SOX5: variants seen among roughly 807,000 people sequenced by gnomAD.
SOX5 encodes the protein transcription factor SOX-5.
SOX5 carries 9 observed loss-of-function variants against 92.0 expected under a neutral mutation model. The observed-to-expected ratio is 0.10, with a 90% CI of 0.06 to 0.17. The LOEUF is 0.17. Among genes scored for constraint, SOX5 ranks in the 10% least tolerant of loss-of-function variants. SOX5 has a pLI of 1.00. For synonymous variants in SOX5, 344 were observed against 336.3 expected (o/e 1.02, Z -0.25); for missense variants, 642 against 944.5 (o/e 0.68, Z 4.20).
At chr12:24,006,478 A>T (rs1196112631) in intron 4 of SOX5, among the ~76,000 whole-genome samples, 2 of 152,022 alleles carry the variant, frequency 1.3e-5, no homozygotes, top group Non-Finnish European at 2.9e-5. Context: ...TTAGAAGCAG[A>T]AATTGAGCAT....
chr12:24,287,014 A>G (rs1283650626), intron 2 of SOX5, among the ~76,000 whole-genome samples: 1 of 152,188 alleles, frequency 6.6e-6, no homozygotes, highest in African/African-American at 2.4e-5. Context: ...TTTTTGAACT[A>G]AACTAGATAT....
chr12:24,241,002 A>G (rs554921338), intron 3 of SOX5, among the ~76,000 whole-genome samples: 1 of 152,184 alleles, frequency 6.6e-6, no homozygotes, highest in African/African-American at 2.4e-5. Flanking sequence ...GTGATGGTTT[A>G]TATGTGGTGC....
rs191956374 is a variant in SOX5, at chr12:23,940,398, T to C, written c.38+9166A>G. On this transcript the variant is annotated intron_variant, in intron 1 of 14. Coordinates refer to ENST00000451604, the MANE Select transcript of SOX5 (RefSeq NM_006940.6). ...ACAGGTAAACTGAAGTGCTTCTATA[T>C]GTAAAGGCTGGCTATAGAGATAATC... Among the ~76,000 whole-genome samples, 77 of 151,296 alleles carry C rather than the reference T, an allele frequency of 5.1e-4. No individual in the cohort carries two copies. In the East Asian group the frequency reaches 0.011, roughly 22 times the overall value.
intron 3 of SOX5, among the ~76,000 whole-genome samples, chr12:23,799,526 C>T (rs1300107088): frequency 1.3e-5 from 2 of 151,976 alleles, no homozygotes; most frequent in Non-Finnish European, 2.9e-5. Context: ...GCAGTTTCAG[C>T]TAGGGTTAAA....
intron 1 of SOX5, among the ~76,000 whole-genome samples, chr12:24,416,250 G>A (rs529761466): frequency 2.2e-4 from 34 of 152,206 alleles, no homozygotes; most frequent in African/African-American, 7.5e-4. Context: ...TCCACAGCTC[G>A]GTCAGTCCTG....
At chr12:23,607,031 A>G (rs1335111534) in intron 8 of SOX5, among the ~76,000 whole-genome samples, 5 of 152,184 alleles carry the variant, frequency 3.3e-5, no homozygotes, top group African/African-American at 9.6e-5. Context: ...GGCTAACATT[A>G]GGTTGCTCTT....
At chr12:23,706,809 A>G (rs2091447263) in intron 6 of SOX5, among the ~76,000 whole-genome samples, 1 of 152,018 alleles carries the variant, frequency 6.6e-6, no homozygotes, top group Non-Finnish European at 1.5e-5. Flanking sequence ...TGTCACTATA[A>G]ACTACTTATT....
intron 1 of SOX5, among the ~76,000 whole-genome samples, chr12:23,916,631 A>G (rs936509289): frequency 2.6e-5 from 4 of 152,224 alleles, no homozygotes; most frequent in Non-Finnish European, 5.9e-5. Context: ...AATCTAAGGG[A>G]AATTTATACT....
chr12:23,651,968 TTAAA>T (rs891137144), intron 7 of SOX5, among the ~76,000 whole-genome samples: 3 of 151,928 alleles, frequency 2.0e-5, no homozygotes, highest in African/African-American at 7.2e-5. Flanking sequence ...AATTATGTCT[TTAAA>T]TATATGCACA....
At chr12:23,912,375 A>G (rs1007244455) in intron 1 of SOX5, among the ~76,000 whole-genome samples, 4 of 152,204 alleles carry the variant, frequency 2.6e-5, no homozygotes, top group Admixed American at 6.5e-5. Context: ...ATGTGGATAA[A>G]TTGGAACCAT....
intron 8 of SOX5, among the ~76,000 whole-genome samples, chr12:23,617,128 G>GA (rs34672362): frequency 0.022 from 2,319 of 106,136 alleles, 48 homozygotes; most frequent in Non-Finnish European, 0.032. Context: ...TCTGTCTCAA[G>GA]AAAAAAAAAA....
chr12:24,044,135 G>GGT (rs2137030165), intron 4 of SOX5, among the ~76,000 whole-genome samples: 1 of 152,260 alleles, frequency 6.6e-6, no homozygotes, highest in African/African-American at 2.4e-5. Flanking sequence ...ACAACATAAA[G>GGT]GTGTCTGTGC....
chr12:24,508,200 A>G (rs1241278957), intron 1 of SOX5, among the ~76,000 whole-genome samples: 2 of 152,142 alleles, frequency 1.3e-5, no homozygotes, highest in Non-Finnish European at 2.9e-5. Context: ...CCATCACTCT[A>G]GCAGCCCTGT....
intron 4 of SOX5, among the ~76,000 whole-genome samples, chr12:24,143,921 C>A (rs534199568): frequency 6.6e-6 from 1 of 151,668 alleles, no homozygotes; most frequent in South Asian, 2.1e-4. Flanking sequence ...ATAATAATGA[C>A]TATATTGCTA....
chr12:23,621,960 C>T (rs2077233894), intron 8 of SOX5, among the ~76,000 whole-genome samples: 1 of 152,132 alleles, frequency 6.6e-6, no homozygotes, highest in Non-Finnish European at 1.5e-5. Context: ...TCACTCTTTA[C>T]ATCAAGGAAA....
intron 1 of SOX5, among the ~76,000 whole-genome samples, chr12:24,464,636 C>T (rs764216137): frequency 1.3e-5 from 2 of 152,178 alleles, no homozygotes; most frequent in African/African-American, 2.4e-5. Context: ...CCACCGCACC[C>T]GGTCTTGAGA....
intron 1 of SOX5, among the ~76,000 whole-genome samples, chr12:23,919,292 T>A (rs1222932791): frequency 2.0e-5 from 3 of 152,136 alleles, no homozygotes; most frequent in Non-Finnish European, 4.4e-5. Context: ...AAATCTGGAT[T>A]TTTATGAGGA....
intron 4 of SOX5, among the ~76,000 whole-genome samples, chr12:23,957,269 C>T (rs61910017): frequency 0.52 from 79,055 of 151,890 alleles, 20,899 homozygotes; most frequent in East Asian, 0.7. Flanking sequence ...ATGACCAGGA[C>T]AACTTAATTG....
intron 6 of SOX5, among the ~76,000 whole-genome samples, chr12:23,708,821 T>C (rs797010067): frequency 1.3e-5 from 2 of 152,326 alleles, no homozygotes; most frequent in African/African-American, 4.8e-5. Context: ...GGGAGACTGG[T>C]GATAATATCA....
Sources: allele counts gnomAD v4.1 joint callset (sites outside exome capture counted in the v4.1 genomes callset), GRCh38; gene constraint gnomAD v4.1.1; transcripts MANE v1.5; gene names NCBI Gene and HGNC (gene_info 2026-07-23, HGNC 2026-07-21).